The following DMD variants were observed in gnomAD, a reference collection of about 807,000 sequenced individuals.
DMD encodes mutant dystrophin.
Under a neutral mutation model 330.1 loss-of-function variants are expected in DMD, and 63 were observed. That is an observed-to-expected ratio of 0.19 (90% CI 0.16 to 0.24). The LOEUF (loss-of-function observed/expected upper bound fraction) is 0.24, where lower values mean the gene tolerates loss of function less well. DMD is among the 10% of genes least tolerant of loss of function. The probability of loss-of-function intolerance (pLI) is 1.00; values close to 1 mark genes in which losing one functional copy is unlikely to be tolerated. For synonymous variants in DMD, 1,223 were observed against 959.8 expected, an observed-to-expected ratio of 1.27 and a Z score of -5.07; for missense variants, 3,344 against 2,684.1, an observed-to-expected ratio of 1.25 and a Z score of -5.43.
In DMD at chrX:32,390,264, C is replaced by A. The variant is rs185055582; in HGVS notation, c.4234-83G>T. ...AAGAAGACGAAATTCAGAAACTCTC[C>A]TCAACCACCTCTACCATGTAGCTTC... On this transcript the variant is annotated intron_variant, in intron 30 of 78. Coordinates refer to ENST00000357033, the MANE Select transcript of DMD (RefSeq NM_004006.3). The A allele has an allele frequency of 5.8e-6, 4 of 684,537 alleles. No homozygotes were observed. In the East Asian group the frequency reaches 1.4e-4, roughly 23 times the overall value. 56.4% of individuals were successfully genotyped at this position (684,537 alleles called of 1,213,427 possible).
intron 2 of DMD, among the ~76,000 whole-genome samples, chrX:32,964,787 A>G (rs1373024283): frequency 3.6e-5 from 4 of 112,319 alleles, no homozygotes; most frequent in Non-Finnish European, 5.6e-5. Context: ...TAAAAACAGT[A>G]TATCATTGTT....
chrX:33,159,141 T>G (rs780309987), intron 1 of DMD: 1 of 112,025 alleles, frequency 8.9e-6, no homozygotes. Flanking sequence ...ACAACAAATA[T>G]TTTACAAATA....
intron 44 of DMD, among the ~76,000 whole-genome samples, chrX:32,055,157 G>A (rs757952089): frequency 4.5e-5 from 5 of 110,984 alleles, no homozygotes; most frequent in East Asian, 5.7e-4. Context: ...GCTCATTGAC[G>A]AAAATCTCGT....
intron 20 of DMD, among the ~76,000 whole-genome samples, chrX:32,490,765 C>T (rs2042916642): frequency 8.9e-6 from 1 of 111,867 alleles, no homozygotes; most frequent in Admixed American, 9.5e-5. Context: ...TTCCTCTGTA[C>T]TCCAGCTACA....
intron 17 of DMD, among the ~76,000 whole-genome samples, chrX:32,544,164 A>T (rs193195130): frequency 9.6e-4 from 108 of 112,068 alleles, no homozygotes; most frequent in African/African-American, 3.4e-3. Context: ...TGACACAACC[A>T]GGGAGAAAAG....
At chrX:31,777,094 G>A (rs935244598) in intron 50 of DMD, among the ~76,000 whole-genome samples, 8 of 111,982 alleles carry the variant, frequency 7.1e-5, no homozygotes, top group African/African-American at 2.6e-4. Context: ...CTAAAGAAAA[G>A]TCAATGTGCA....
intron 7 of DMD, among the ~76,000 whole-genome samples, chrX:32,716,766 T>C (rs1444646997): frequency 9.0e-6 from 1 of 111,019 alleles, no homozygotes; most frequent in Admixed American, 9.7e-5. Flanking sequence ...GCTGAGGTGG[T>C]CTCAGATGAA....
chrX:31,554,706 CACTT>C (rs2074699692), intron 55 of DMD, among the ~76,000 whole-genome samples: 1 of 111,901 alleles, frequency 8.9e-6, no homozygotes, highest in African/African-American at 3.2e-5. Context: ...TCACTCCATT[CACTT>C]ACTTATTCAT....
intron 2 of DMD, among the ~76,000 whole-genome samples, chrX:33,009,183 CGT>C (rs1196458961): frequency 1.1e-4 from 3 of 28,398 alleles, no homozygotes; most frequent in Admixed American, 7.8e-4. Flanking sequence ...TGTATATATA[CGT>C]ATATATGTAT....
chrX:32,225,125 T>G (rs2147927255), intron 43 of DMD, among the ~76,000 whole-genome samples: 1 of 112,158 alleles, frequency 8.9e-6, no homozygotes, highest in Admixed American at 9.5e-5. Flanking sequence ...TGAAACCTCA[T>G]TTGCTTTCAA....
At chrX:33,184,566 C>A in intron 1 of DMD, among the ~76,000 whole-genome samples, 1 of 109,724 alleles carries the variant, frequency 9.1e-6, no homozygotes, top group Non-Finnish European at 1.9e-5. Context: ...TTAACATGTT[C>A]CTATAAATAT....
At chrX:32,708,555 C>G (rs58864433) in intron 7 of DMD, among the ~76,000 whole-genome samples, 17,741 of 111,256 alleles carry the variant, frequency 0.16, 3,231 homozygotes, top group African/African-American at 0.53. Context: ...TTCCTGATTT[C>G]CTTCCAATTG....
intron 11 of DMD, among the ~76,000 whole-genome samples, chrX:32,614,739 A>T (rs808513): frequency 9.1e-6 from 1 of 110,094 alleles, no homozygotes; most frequent in Non-Finnish European, 1.9e-5. Context: ...ACTAAGTAGT[A>T]TATTTTGGCA....
intron 12 of DMD, among the ~76,000 whole-genome samples, chrX:32,611,922 T>TG (rs1304004351): frequency 1.8e-5 from 2 of 112,014 alleles, no homozygotes; most frequent in Non-Finnish European, 3.8e-5. Flanking sequence ...ACAGAGAACC[T>TG]GGGACATTAA....
chrX:32,874,710 T>C (rs2083251806), intron 2 of DMD, among the ~76,000 whole-genome samples: 1 of 111,747 alleles, frequency 8.9e-6, no homozygotes, highest in Non-Finnish European at 1.9e-5. Flanking sequence ...ATGTTATAGG[T>C]CTTCCAAGAT....
intron 16 of DMD, among the ~76,000 whole-genome samples, chrX:32,556,747 T>C (rs754824227): frequency 8.9e-6 from 1 of 112,133 alleles, no homozygotes; most frequent in South Asian, 3.7e-4. Context: ...TATTCTTAAT[T>C]GAAACTTTTA....
chrX:31,805,862 T>C (rs753235808), intron 50 of DMD, among the ~76,000 whole-genome samples: 130 of 112,559 alleles, frequency 1.2e-3, no homozygotes, highest in Middle Eastern at 4.6e-3. Context: ...ATTCCCTTTA[T>C]TAGCTACAAG....
Position 31,786,989 on chromosome X carries a change from C to T in DMD, c.7310-12797G>A, listed in dbSNP as rs1301733122. 6.2e-5 allele frequency among the ~76,000 whole-genome samples: 7 copies of T among 112,233 alleles called. No individual in the cohort carries two copies. In the East Asian group the frequency reaches 1.9e-3, roughly 31 times the overall value. On this transcript the variant is annotated intron_variant, in intron 50 of 78. Coordinates refer to ENST00000357033, the MANE Select transcript of DMD (RefSeq NM_004006.3). ...TGCCAAGGAATCTCATCTCTGACAC[C>T]GTATCTCTGGTCTATTTACGTAATA...
chrX:31,569,704 T>G (rs746171609), intron 55 of DMD, among the ~76,000 whole-genome samples: 1 of 92,169 alleles, frequency 1.1e-5, no homozygotes, highest in Non-Finnish European at 2.3e-5. Context: ...GACTCTCCTT[T>G]GAACCAACTG....
Sources: gnomAD v4.1 joint callset for allele counts (sites outside exome capture counted in the v4.1 genomes callset) on GRCh38, gnomAD v4.1.1 for gene constraint, MANE v1.5 for transcripts, NCBI Gene and HGNC (gene_info 2026-07-23, HGNC 2026-07-21) for gene names.